PACRG: variants seen among roughly 807,000 people sequenced by gnomAD.
PACRG encodes parkin coregulated, also known as parkin coregulated gene protein.
PACRG carries 29 observed loss-of-function variants against 29.7 expected under a neutral mutation model. The observed-to-expected ratio is 0.98, with a 90% CI of 0.73 to 1.33. The LOEUF is 1.33. Among genes scored for constraint, PACRG ranks in the 40% most tolerant of loss-of-function variants. The pLI is 0.00. For missense variants in PACRG, 279 were observed against 316.2 expected (o/e 0.88, Z 0.89); for synonymous variants, 116 against 118.7 (o/e 0.98, Z 0.15).
At chr6:163,248,409 A>G (rs1454335462) in intron 4 of PACRG, among the ~76,000 whole-genome samples, 3 of 148,526 alleles carry the variant, frequency 2.0e-5, no homozygotes, top group African/African-American at 7.6e-5. Flanking sequence ...TTGCGGGGCA[A>G]GAGGGGAGTG....
intron 4 of PACRG, among the ~76,000 whole-genome samples, chr6:163,144,528 G>T (rs1449831240): frequency 6.6e-6 from 1 of 152,106 alleles, no homozygotes; most frequent in Non-Finnish European, 1.5e-5. Context: ...CAGCACTTTG[G>T]GAGGCTGAGG....
chr6:163,291,748 T>C (rs1426329269), intron 4 of PACRG, among the ~76,000 whole-genome samples: 4 of 152,200 alleles, frequency 2.6e-5, no homozygotes, highest in African/African-American at 9.7e-5. Context: ...GATTCAGAGA[T>C]CAAGGCACCT....
At chr6:163,160,052 G>T (rs564824180) in intron 4 of PACRG, among the ~76,000 whole-genome samples, 1 of 152,052 alleles carries the variant, frequency 6.6e-6, no homozygotes, top group East Asian at 1.9e-4. Context: ...GATTATTTTC[G>T]CTGTGTGTTG....
chr6:163,004,726 G>GTGTGTGTC (rs1397778335), intron 2 of PACRG, among the ~76,000 whole-genome samples: 2 of 135,986 alleles, frequency 1.5e-5, no homozygotes, highest in Non-Finnish European at 3.1e-5. Flanking sequence ...GTGTGTGTGT[G>GTGTGTGTC]TATATATATA....
intron 4 of PACRG, among the ~76,000 whole-genome samples, chr6:163,152,313 T>C (rs1164490185): frequency 6.6e-6 from 1 of 152,244 alleles, no homozygotes; most frequent in African/African-American, 2.4e-5. Context: ...ATGCCTTAAA[T>C]TAACAGAAAA....
At position 162,865,789 on chromosome 6, in the gene PACRG, AT is replaced by A. The variant is rs561637110; in HGVS notation, c.291+51518del. Among the ~76,000 whole-genome samples, 150 of 150,586 alleles carry A rather than the reference AT, an allele frequency of 1.0e-3. 1 individual carries two copies. Among genetic ancestry groups the A allele is most frequent in the Middle Eastern group, 3.5e-3 (1 of 288 alleles). On this transcript the variant is annotated intron_variant, in intron 2 of 4. Coordinates refer to ENST00000366888, the MANE Select transcript of PACRG (RefSeq NM_001080379.2). ...CTAAATAGAACCTTTAATTTACTAG[AT>A]TTTTTTTTTCTTTTTGCTCTACTTT...
intron 2 of PACRG, among the ~76,000 whole-genome samples, chr6:162,829,825 T>C (rs1324703219): frequency 6.6e-6 from 1 of 152,146 alleles, no homozygotes; most frequent in African/African-American, 2.4e-5. Flanking sequence ...TCCTGCTTCT[T>C]CCATTTTTAA....
intron 4 of PACRG, among the ~76,000 whole-genome samples, chr6:163,160,725 A>G (rs1002603234): frequency 1.3e-5 from 2 of 152,164 alleles, no homozygotes; most frequent in Non-Finnish European, 2.9e-5. Flanking sequence ...CAATTTTCCA[A>G]CCCCAATTCA....
At chr6:162,826,004 A>G (rs1788244226) in intron 2 of PACRG, among the ~76,000 whole-genome samples, 1 of 151,966 alleles carries the variant, frequency 6.6e-6, no homozygotes, top group African/African-American at 2.4e-5. Flanking sequence ...CCAGAGGTCT[A>G]TTAATTCTGT....
chr6:163,040,088 G>C (rs1488530524), intron 2 of PACRG, among the ~76,000 whole-genome samples: 1 of 152,208 alleles, frequency 6.6e-6, no homozygotes, highest in Non-Finnish European at 1.5e-5. Flanking sequence ...CTGGGCCTAG[G>C]GCCCCACTGC....
At chr6:162,882,709 T>C (rs1793995746) in intron 2 of PACRG, among the ~76,000 whole-genome samples, 1 of 152,114 alleles carries the variant, frequency 6.6e-6, no homozygotes, top group African/African-American at 2.4e-5. Flanking sequence ...CAGGGCCTTG[T>C]CCAGGTCATT....
intron 4 of PACRG, among the ~76,000 whole-genome samples, chr6:163,277,255 C>T (rs1444646277): frequency 6.6e-6 from 1 of 152,016 alleles, no homozygotes; most frequent in East Asian, 1.9e-4. Flanking sequence ...CCCTCACCAC[C>T]ACGTACCCTT....
chr6:163,030,327 T>G (rs1807542732), intron 2 of PACRG, among the ~76,000 whole-genome samples: 1 of 152,238 alleles, frequency 6.6e-6, no homozygotes, highest in Non-Finnish European at 1.5e-5. Flanking sequence ...TCTCTAGATA[T>G]ATAGAATTAG....
intron 4 of PACRG, chr6:163,165,721 T>A: frequency 4.0e-6 from 1 of 249,998 alleles, no homozygotes; most frequent in Non-Finnish European, 7.9e-6. Context: ...GTTCACCCTG[T>A]CCAGGCTTCG....
intron 4 of PACRG, among the ~76,000 whole-genome samples, chr6:163,232,823 C>T (rs1025137856): frequency 6.6e-6 from 1 of 152,204 alleles, no homozygotes; most frequent in Non-Finnish European, 1.5e-5. Context: ...ACCTACCCCC[C>T]AGCTCACGCT....
intron 1 of PACRG, among the ~76,000 whole-genome samples, chr6:162,776,056 A>G (rs1293049029): frequency 6.6e-6 from 1 of 152,228 alleles, no homozygotes; most frequent in Non-Finnish European, 1.5e-5. Flanking sequence ...GAAAAAAAAT[A>G]AGAGCCTGGC....
At chr6:163,307,036 C>T (rs1785218589) in intron 4 of PACRG, among the ~76,000 whole-genome samples, 1 of 152,140 alleles carries the variant, frequency 6.6e-6, no homozygotes, top group Non-Finnish European at 1.5e-5. Context: ...GCCTTGAAGT[C>T]CAGTATTCTT....
chr6:162,758,535 AAAT>A (rs2128287972), intron 1 of PACRG, among the ~76,000 whole-genome samples: 1 of 152,284 alleles, frequency 6.6e-6, no homozygotes, highest in South Asian at 2.1e-4. Flanking sequence ...TTGTAGATAA[AAAT>A]ATGTAGATGA....
At chr6:162,851,975 GAGAAA>G (rs1461085335) in intron 2 of PACRG, among the ~76,000 whole-genome samples, 2 of 122,948 alleles carry the variant, frequency 1.6e-5, no homozygotes, top group South Asian at 3.2e-4. Flanking sequence ...GAAGGGAAAA[GAGAAA>G]AGAAAAGGGA....
Sources: gnomAD v4.1 joint callset for allele counts (sites outside exome capture counted in the v4.1 genomes callset) on GRCh38, gnomAD v4.1.1 for gene constraint, MANE v1.5 for transcripts, NCBI Gene and HGNC (gene_info 2026-07-23, HGNC 2026-07-21) for gene names.